MAGI3: variants seen among roughly 807,000 people sequenced by gnomAD.
MAGI3 encodes the protein membrane associated guanylate kinase, WW and PDZ domain containing 3, also known as membrane-associated guanylate kinase, WW and PDZ domain-containing protein 3.
MAGI3 carries 43 observed loss-of-function variants against 121.8 expected under a neutral mutation model. The observed-to-expected ratio is 0.35, with a 90% CI of 0.28 to 0.46. The LOEUF (loss-of-function observed/expected upper bound fraction) is 0.46. Ranked by LOEUF, MAGI3 falls within the 20% of genes least tolerant of loss-of-function variation. The probability of loss-of-function intolerance (pLI) is 1.00; values close to 1 mark genes in which losing one functional copy is unlikely to be tolerated. For missense variants in MAGI3, 1,547 were observed against 1,797.3 expected (o/e 0.86, Z 2.52); for synonymous variants, 553 against 639.3 (o/e 0.86, Z 2.04).
chr1:113,488,308 T>TA (rs1256940677), intron 1 of MAGI3, among the ~76,000 whole-genome samples: 1 of 152,192 alleles, frequency 6.6e-6, no homozygotes, highest in Non-Finnish European at 1.5e-5. Context: ...GCCATCCCCA[T>TA]AGGCTCAACT....
At chr1:113,653,464 C>G (rs906185433) in intron 14 of MAGI3, among the ~76,000 whole-genome samples, 2 of 151,872 alleles carry the variant, frequency 1.3e-5, no homozygotes, top group Non-Finnish European at 2.9e-5. Context: ...CCCAGCTACT[C>G]AGGAGGCTGA....
At chr1:113,404,706 A>C (rs991499746) in intron 1 of MAGI3, among the ~76,000 whole-genome samples, 1 of 152,142 alleles carries the variant, frequency 6.6e-6, no homozygotes, top group Non-Finnish European at 1.5e-5. Flanking sequence ...AACCATGTAC[A>C]AACTAAAATT....
At chr1:113,440,952 A>T (rs1007457985) in intron 1 of MAGI3, among the ~76,000 whole-genome samples, 9 of 152,082 alleles carry the variant, frequency 5.9e-5, no homozygotes, top group Admixed American at 1.3e-4. Context: ...AAGAATGCTT[A>T]AAAAAATGCT....
intron 1 of MAGI3, chr1:113,450,202 A>C: frequency 1.9e-6 from 3 of 1,571,082 alleles, no homozygotes; most frequent in Non-Finnish European, 2.6e-6. Context: ...ATACCACACT[A>C]TTAATGGGCA....
In MAGI3 at chr1:113,642,385, G is replaced by A; in HGVS notation, c.1835G>A (p.Gly612Asp). ...ATACTGGATAGTCAGTGGTGTCAAGGCCTTCAGAAAGGAGATATAATTAAG... is the reference window on the plus strand; with the variant it reads ...ATACTGGATAGTCAGTGGTGTCAAGACCTTCAGAAAGGAGATATAATTAAG... ...KMILDSQWCQ[G>D]LQKGDIIKEI... The change falls in exon 10 of 21, where the codon GGC becomes GAC. Residue 612 changes from glycine (G) to aspartate (D), a missense_variant. Coordinates refer to ENST00000307546, the MANE Select transcript of MAGI3 (RefSeq NM_001142782.2). The A allele has an allele frequency of 6.2e-7, 1 of 1,614,182 alleles. No homozygotes were observed. Among genetic ancestry groups the A allele is most frequent in the East Asian group, 2.2e-5 (1 of 44,892 alleles).
chr1:113,443,186 A>G (rs1200834068), intron 1 of MAGI3, among the ~76,000 whole-genome samples: 3 of 152,216 alleles, frequency 2.0e-5, no homozygotes, highest in Non-Finnish European at 4.4e-5. Flanking sequence ...ATAATTTTAC[A>G]GTAGTAATTT....
At chr1:113,423,006 G>A (rs1486908746) in intron 1 of MAGI3, among the ~76,000 whole-genome samples, 1 of 152,156 alleles carries the variant, frequency 6.6e-6, no homozygotes, top group East Asian at 1.9e-4. Context: ...CAGTCTGAGA[G>A]TATGTCACTG....
chr1:113,601,986 AC>A (rs900445282), intron 6 of MAGI3, among the ~76,000 whole-genome samples: 1 of 151,088 alleles, frequency 6.6e-6, no homozygotes, highest in Non-Finnish European at 1.5e-5. Flanking sequence ...AAAACCAAAC[AC>A]CGTATATTCT....
chr1:113,635,514 A>T (rs1306760715), intron 9 of MAGI3, among the ~76,000 whole-genome samples: 1 of 152,152 alleles, frequency 6.6e-6, no homozygotes, highest in Non-Finnish European at 1.5e-5. Context: ...TTCTGTTTAT[A>T]TGCTGGATTA....
intron 16 of MAGI3, among the ~76,000 whole-genome samples, chr1:113,663,549 T>C (rs1023931554): frequency 1.3e-5 from 2 of 152,208 alleles, no homozygotes; most frequent in Non-Finnish European, 2.9e-5. Context: ...GCATTCCTTT[T>C]TATGACTAAT....
At chr1:113,430,356 A>G (rs1014708436) in intron 1 of MAGI3, among the ~76,000 whole-genome samples, 1 of 152,208 alleles carries the variant, frequency 6.6e-6, no homozygotes, top group Admixed American at 6.5e-5. Context: ...CTCATTGATC[A>G]GATATGGAGC....
chr1:113,452,849 A>C (rs1043973418), intron 1 of MAGI3, among the ~76,000 whole-genome samples: 2 of 152,288 alleles, frequency 1.3e-5, no homozygotes, highest in South Asian at 4.1e-4. Flanking sequence ...TCAGTGAAGA[A>C]ATTTTACTCA....
intron 1 of MAGI3, among the ~76,000 whole-genome samples, chr1:113,424,124 G>A (rs936033648): frequency 2.0e-5 from 3 of 152,098 alleles, no homozygotes; most frequent in Admixed American, 6.5e-5. Flanking sequence ...TCAGTAGGGC[G>A]CAGGACTCCT....
At chr1:113,456,646 TGA>T (rs1654773770) in intron 1 of MAGI3, among the ~76,000 whole-genome samples, 1 of 152,212 alleles carries the variant, frequency 6.6e-6, no homozygotes, top group Non-Finnish European at 1.5e-5. Flanking sequence ...AACCACATGG[TGA>T]TCTTAATGCC....
intron 1 of MAGI3, among the ~76,000 whole-genome samples, chr1:113,438,964 C>A (rs1232300985): frequency 6.6e-6 from 1 of 152,170 alleles, no homozygotes; most frequent in African/African-American, 2.4e-5. Flanking sequence ...TACCTTTTCA[C>A]TTAAGAGGAA....
intron 6 of MAGI3, among the ~76,000 whole-genome samples, chr1:113,600,008 A>G (rs1020555930): frequency 6.6e-6 from 1 of 152,240 alleles, no homozygotes; most frequent in Non-Finnish European, 1.5e-5. Context: ...AAGGCCTTTG[A>G]AAAAATTCAA....
intron 1 of MAGI3, among the ~76,000 whole-genome samples, chr1:113,400,070 A>G (rs1651322519): frequency 6.6e-6 from 1 of 152,150 alleles, no homozygotes; most frequent in African/African-American, 2.4e-5. Context: ...TTACTTAAGT[A>G]TGGTGTCATG....
intron 2 of MAGI3, among the ~76,000 whole-genome samples, chr1:113,570,356 G>A (rs1384858708): frequency 6.6e-6 from 1 of 152,056 alleles, no homozygotes; most frequent in South Asian, 2.1e-4. Context: ...AAACATACAT[G>A]TGCATGTGTC....
rs951165039 is a variant in MAGI3, at chr1:113,658,992, A to G, written c.2630-88A>G. On this transcript the variant is annotated intron_variant, in intron 15 of 20. Coordinates refer to ENST00000307546, the MANE Select transcript of MAGI3 (RefSeq NM_001142782.2). This position sits in a 1 kb window ranked among gnomAD's most constrained non-coding sequence, Gnocchi z 4.0. The stretch of plus-strand genomic sequence containing the variant: ...TTTTTAAATAATTTTCTTTGATGTT[A>G]TGTTGAATTTTAAATGACGTTGATT... 3 of 1,065,000 alleles carry G rather than the reference A, an allele frequency of 2.8e-6. No homozygotes were observed. The highest frequency in any genetic ancestry group is 1.6e-5 in the African/African-American group (1 of 62,860). 66.0% of individuals were successfully genotyped at this position (1,065,000 alleles called of 1,614,324 possible). A position where few individuals can be genotyped will look rare whatever the true frequency, so the allele number is the denominator to read the frequency against.
Sources: gnomAD v4.1 joint callset for allele counts (sites outside exome capture counted in the v4.1 genomes callset) on GRCh38, gnomAD v4.1.1 for gene constraint, Gnocchi (gnomAD v3.1) non-coding constraint, MANE v1.5 for transcripts, NCBI Gene and HGNC (gene_info 2026-07-23, HGNC 2026-07-21) for gene names.